ZNF682: variants seen among roughly 807,000 people sequenced by gnomAD.
ZNF682 encodes zinc finger protein 682.
Under a neutral mutation model 36.5 loss-of-function variants are expected in ZNF682, and 29 were observed. The ratio of observed to expected loss-of-function variants is 0.80; its 90% CI spans 0.59 to 1.08. ZNF682 has a LOEUF of 1.08. ZNF682 is among the 50% of genes least tolerant of loss of function. The pLI is 0.00. For missense variants in ZNF682, 561 were observed against 579.7 expected (o/e 0.97, Z 0.33); for synonymous variants, 180 against 197.0 (o/e 0.91, Z 0.72).
chr19:20,037,949 A>G (rs988763007), intron 1 of ZNF682, among the ~76,000 whole-genome samples: 2 of 152,194 alleles, frequency 1.3e-5, no homozygotes, highest in Non-Finnish European at 2.9e-5. Context: ...CCACATTCCC[A>G]TACCTGGCAG....
chr19:20,028,012 A>C, intron 1 of ZNF682, among the ~76,000 whole-genome samples: 1 of 152,160 alleles, frequency 6.6e-6, no homozygotes, highest in Non-Finnish European at 1.5e-5. Context: ...GGGACACTTA[A>C]TTAAAACAAT....
intron 3 of ZNF682, among the ~76,000 whole-genome samples, chr19:20,010,018 T>A (rs1309647683): frequency 2.7e-5 from 4 of 150,374 alleles, no homozygotes; most frequent in Non-Finnish European, 5.9e-5. Flanking sequence ...AGACTCCATC[T>A]CAACAACAAC....
downstream of ZNF682, among the ~76,000 whole-genome samples, chr19:20,002,208 G>A (rs535022691): frequency 2.2e-4 from 34 of 151,520 alleles, no homozygotes; most frequent in East Asian, 3.7e-3. Context: ...TCAACCTCCC[G>A]AGTAGCTGGG....
At chr19:20,030,042 T>C (rs932871245) in intron 1 of ZNF682, among the ~76,000 whole-genome samples, 3 of 152,002 alleles carry the variant, frequency 2.0e-5, no homozygotes, top group African/African-American at 7.2e-5. Context: ...GAGAGGGCCC[T>C]AGGTAGAATT....
At chr19:20,020,527 A>C (rs1192356078) in intron 3 of ZNF682, among the ~76,000 whole-genome samples, 8 of 152,110 alleles carry the variant, frequency 5.3e-5, no homozygotes, top group Admixed American at 3.9e-4. Context: ...AATTAAATTA[A>C]ATTTTAAAAA....
chr19:20,039,230 G>C (rs1813949015), intron 1 of ZNF682, 113 bp downstream of exon 1: 1 of 1,529,504 alleles, frequency 6.5e-7, no homozygotes, highest in South Asian at 1.2e-5. Flanking sequence ...GGGGACTCCA[G>C]TCCGCAGACT....
chr19:20,038,365 A>G (rs992933887), intron 1 of ZNF682, among the ~76,000 whole-genome samples: 1 of 152,188 alleles, frequency 6.6e-6, no homozygotes, highest in Non-Finnish European at 1.5e-5. Context: ...TGAAATGTAC[A>G]AAAAAGGACT....
At chr19:20,022,947 T>TCCTTCTTGGCCTTTGGAGCTTTCA in intron 3 of ZNF682, 57 bp downstream of exon 3, 1 of 1,430,990 alleles carries the variant, frequency 7.0e-7, no homozygotes. Context: ...AAGTCTGTCT[T>TCCTTCTTGGCCTTTGGAGCTTTCA]CCTTCTTGGC....
chr19:20,002,798 A>C (rs1418243351), downstream of ZNF682, among the ~76,000 whole-genome samples: 1 of 152,222 alleles, frequency 6.6e-6, no homozygotes, highest in Non-Finnish European at 1.5e-5. Flanking sequence ...TGATAAAAAA[A>C]GAAACAAACA....
chr19:20,036,803 TAAAAAAAAAAGAA>T (rs960168921), intron 1 of ZNF682, among the ~76,000 whole-genome samples: 2 of 29,540 alleles, frequency 6.8e-5, no homozygotes, highest in African/African-American at 3.2e-4. Flanking sequence ...GCTGTCTCTA[TAAAAAAAAAAGAA>T]AAAAAAAAAA....
Position 20,006,179 on chromosome 19 carries a change from A to C in ZNF682, c.1323T>G (p.Thr441=), listed in dbSNP as rs765363888. The C allele has an allele frequency of 5.1e-5, 83 of 1,612,988 alleles. No homozygotes were observed. Among genetic ancestry groups the C allele is most frequent in the Non-Finnish European group, 6.4e-5 (75 of 1,179,230 alleles). ...GKAFNRCSHL[T]RHKKIHTAVK... is the part of the protein sequence containing the mutation. ...CGGCAGTATGAATTTTCTTATGTCTAGTAAGGTGTGAGCACCGATTAAAGG... is the reference window on the plus strand; with the variant it reads ...CGGCAGTATGAATTTTCTTATGTCTCGTAAGGTGTGAGCACCGATTAAAGG... Residue 441 remains threonine (T), a synonymous_variant, in exon 4 of 4, where the codon ACT becomes ACG. Coordinates refer to ENST00000397165, the MANE Select transcript of ZNF682 (RefSeq NM_033196.3).
At chr19:20,010,060 C>T (rs1198919744) in intron 3 of ZNF682, among the ~76,000 whole-genome samples, 1 of 151,878 alleles carries the variant, frequency 6.6e-6, no homozygotes, top group Non-Finnish European at 1.5e-5. Context: ...AAAAGAAATT[C>T]CAATCAGGAA....
chr19:20,019,980 G>A (rs1380035015), intron 3 of ZNF682, among the ~76,000 whole-genome samples: 1 of 150,506 alleles, frequency 6.6e-6, no homozygotes, highest in East Asian at 2.0e-4. Context: ...GGGAATCTGA[G>A]GTAAGAGGAC....
intron 3 of ZNF682, among the ~76,000 whole-genome samples, chr19:20,021,969 C>T (rs1053541594): frequency 6.6e-6 from 1 of 150,478 alleles, no homozygotes; most frequent in African/African-American, 2.4e-5. Flanking sequence ...TCAGGAGTTC[C>T]AAATCAACCT....
downstream of ZNF682, among the ~76,000 whole-genome samples, chr19:20,002,144 G>A (rs1025655264): frequency 2.0e-5 from 3 of 152,032 alleles, no homozygotes; most frequent in Admixed American, 6.6e-5. Context: ...GTGCAGTGGT[G>A]TGATCTTGGC....
At chr19:20,009,102 C>T (rs1379296508) in intron 3 of ZNF682, among the ~76,000 whole-genome samples, 2 of 152,078 alleles carry the variant, frequency 1.3e-5, no homozygotes. Flanking sequence ...GATGTGAAAG[C>T]GAAAGAAAGC....
At position 20,024,236 on chromosome 19, in the gene ZNF682, G is replaced by T; in HGVS notation, c.130+14C>A. On this transcript the variant is annotated intron_variant, in intron 2 of 3. Coordinates refer to ENST00000397165, the MANE Select transcript of ZNF682 (RefSeq NM_033196.3). ...TTGTGTGAAATAGAAATTGTGTATT[G>T]AAGTTATTCTCACCCAGAGAGACCA... 1 of 1,612,982 alleles carries T rather than the reference G, an allele frequency of 6.2e-7. No homozygotes were observed. The highest frequency in any genetic ancestry group is 2.2e-5 in the East Asian group (1 of 44,846).
In ZNF682 at chr19:20,017,702, T is replaced by C. The variant is rs140162106; in HGVS notation, c.226+5302A>G. Among the ~76,000 whole-genome samples the C allele has an allele frequency of 7.6e-3, 1,154 of 152,192 alleles. 13 individuals carry two copies. The highest frequency in any genetic ancestry group is 0.012 in the Non-Finnish European group (827 of 67,998). ...AAAAACTTAAAACATTACAGACCAA[T>C]TAGACCTAAGAGACACATACAGAAC... On this transcript the variant is annotated intron_variant, in intron 3 of 3. Coordinates refer to ENST00000397165, the MANE Select transcript of ZNF682 (RefSeq NM_033196.3).
At position 20,005,370 on chromosome 19, in the gene ZNF682, A is replaced by G. The variant is rs1407837655; in HGVS notation, c.*635T>C. Reference sequence around the variant, plus strand: ...GAGCCACCGCGCCCGGCCTTAAACTAGTGTTTTCTAAGGTGTACTTTTTAA... The same window carrying G: ...GAGCCACCGCGCCCGGCCTTAAACTGGTGTTTTCTAAGGTGTACTTTTTAA... On this transcript the variant is annotated 3_prime_UTR_variant, in exon 4 of 4. Coordinates refer to ENST00000397165, the MANE Select transcript of ZNF682 (RefSeq NM_033196.3). The G allele has an allele frequency of 2.0e-5, 3 of 152,166 alleles. No homozygotes were observed. Among genetic ancestry groups the G allele is most frequent in the African/African-American group, 7.2e-5 (3 of 41,394 alleles). The allele number at this position is 152,166 out of a possible 1,614,324, so 9.4% of individuals were successfully genotyped here.
Sources: gnomAD v4.1 joint callset for allele counts (sites outside exome capture counted in the v4.1 genomes callset) on GRCh38, gnomAD v4.1.1 for gene constraint, MANE v1.5 for transcripts, NCBI Gene and HGNC (gene_info 2026-07-23, HGNC 2026-07-21) for gene names.